PARM1: variants seen among roughly 807,000 people sequenced by gnomAD.
PARM1 encodes the protein WSC4, cell wall integrity and stress response component 4 homolog.
In PARM1, 14 loss-of-function variants were observed where a neutral mutation model predicts 24.6. The observed-to-expected ratio is 0.57, with a 90% CI of 0.38 to 0.89. PARM1 has a LOEUF of 0.89. Ranked by LOEUF, PARM1 falls within the 40% of genes least tolerant of loss-of-function variation. The pLI, the probability that PARM1 is intolerant of heterozygous loss-of-function variation, is 0.00. For missense variants in PARM1, 362 were observed against 380.4 expected (o/e 0.95, Z 0.40); for synonymous variants, 179 against 156.6 (o/e 1.14, Z -1.07).
intron 1 of PARM1, among the ~76,000 whole-genome samples, chr4:74,996,670 A>C (rs1722581179): frequency 6.6e-6 from 1 of 152,184 alleles, no homozygotes; most frequent in South Asian, 2.1e-4. Flanking sequence ...CTCTTCTCTT[A>C]GGGAATTTTG....
At chr4:75,025,929 T>A (rs1723175439) in intron 2 of PARM1, among the ~76,000 whole-genome samples, 1 of 152,154 alleles carries the variant, frequency 6.6e-6, no homozygotes, top group African/African-American at 2.4e-5. Context: ...AAACATGAGG[T>A]AAAACATTCC....
At chr4:74,975,792 T>C (rs1722130410) in intron 1 of PARM1, among the ~76,000 whole-genome samples, 1 of 152,104 alleles carries the variant, frequency 6.6e-6, no homozygotes, top group Non-Finnish European at 1.5e-5. Context: ...ATTGAAGCAA[T>C]AGGGAGGAGG....
At chr4:74,976,848 C>A (rs1722147585) in intron 1 of PARM1, among the ~76,000 whole-genome samples, 1 of 152,176 alleles carries the variant, frequency 6.6e-6, no homozygotes, top group African/African-American at 2.4e-5. Context: ...CAGAAAACCA[C>A]AGCAGCCTTA....
chr4:75,027,071 C>CT (rs1181597166), intron 2 of PARM1, among the ~76,000 whole-genome samples: 1 of 152,176 alleles, frequency 6.6e-6, no homozygotes, highest in African/African-American at 2.4e-5. Context: ...ATTCCCAACT[C>CT]TTTCCAAGAC....
intron 3 of PARM1, 44 bp downstream of exon 3, chr4:75,034,005 T>C: frequency 6.8e-7 from 1 of 1,462,912 alleles, no homozygotes; most frequent in Non-Finnish European, 9.4e-7. Flanking sequence ...TCTGTTTTGT[T>C]GGGCTCTGGG....
intron 1 of PARM1, among the ~76,000 whole-genome samples, chr4:74,985,244 C>T (rs1313250416): frequency 6.6e-6 from 1 of 152,280 alleles, no homozygotes; most frequent in East Asian, 1.9e-4. Flanking sequence ...AAGTAATGAA[C>T]AAGCCAGAAT....
At position 75,012,426 on chromosome 4, in the gene PARM1, A is replaced by T. The variant is rs761427988; in HGVS notation, c.45A>T (p.Gly15=). The T allele has an allele frequency of 8.2e-5, 133 of 1,612,702 alleles. No homozygotes were observed. In the South Asian group the frequency reaches 1.4e-3, roughly 17 times the overall value. Residue 15 remains glycine, a splice_region_variant and synonymous_variant, in exon 2 of 4, where the codon GGA becomes GGT. Coordinates refer to ENST00000307428, the MANE Select transcript of PARM1 (RefSeq NM_015393.4). ...ACTTTTGTACTGGCTTTTCCACAGG[A>T]TGGAGGGTACAGAGTCTGCCTACAT... ...TLFALCILTA[G]WRVQSLPTSA... is the part of the protein sequence containing the mutation.
intron 2 of PARM1, among the ~76,000 whole-genome samples, chr4:75,017,508 C>T (rs1723010598): frequency 6.6e-6 from 1 of 151,882 alleles, no homozygotes; most frequent in South Asian, 2.1e-4. Context: ...TTCTGTTTAC[C>T]TCTCACCTCC....
Position 75,012,582 on chromosome 4 carries a change from A to G in PARM1, c.201A>G (p.Pro67=). 9 of 1,613,986 alleles carry G rather than the reference A, an allele frequency of 5.6e-6. No individual in the cohort carries two copies. The highest frequency in any genetic ancestry group is 7.6e-6 in the Non-Finnish European group (9 of 1,179,896). ...SNGTHNNSVL[P]VTASAPTSLL... ...GCACTCACAACAACTCGGTGCTCCCAGTTACAGCATCAGCCCCAACATCTC... is the reference window on the plus strand; with the variant it reads ...GCACTCACAACAACTCGGTGCTCCCGGTTACAGCATCAGCCCCAACATCTC... The change falls in exon 2 of 4, where the codon CCA becomes CCG. Residue 67 remains proline, a synonymous_variant. Coordinates refer to ENST00000307428, the MANE Select transcript of PARM1 (RefSeq NM_015393.4).
chr4:74,973,696 A>T (rs1308852310), intron 1 of PARM1, among the ~76,000 whole-genome samples: 2 of 152,142 alleles, frequency 1.3e-5, no homozygotes, highest in African/African-American at 4.8e-5. Context: ...TTAGGTAGAT[A>T]AAACCCATAA....
At chr4:75,031,234 TA>T (rs1341933389) in intron 2 of PARM1, among the ~76,000 whole-genome samples, 8 of 152,214 alleles carry the variant, frequency 5.3e-5, no homozygotes, top group Non-Finnish European at 1.2e-4. Flanking sequence ...AGCCAGTGGG[TA>T]ACAGAATAGT....
At chr4:74,972,038 G>T (rs1024960618) in intron 1 of PARM1, among the ~76,000 whole-genome samples, 1 of 152,240 alleles carries the variant, frequency 6.6e-6, no homozygotes, top group African/African-American at 2.4e-5. Flanking sequence ...GGGTGTGGCT[G>T]TAAGTCTGCA....
chr4:74,940,718 C>T (rs567405749), intron 1 of PARM1, among the ~76,000 whole-genome samples: 1 of 152,290 alleles, frequency 6.6e-6, no homozygotes, highest in East Asian at 1.9e-4. Flanking sequence ...TTGATTGGTC[C>T]ATACTGTAGG....
intron 1 of PARM1, among the ~76,000 whole-genome samples, chr4:74,954,303 G>A (rs1006223874): frequency 6.6e-6 from 1 of 152,176 alleles, no homozygotes; most frequent in Non-Finnish European, 1.5e-5. Flanking sequence ...AGGTTCATTG[G>A]CATGTGCCAG....
intron 1 of PARM1, among the ~76,000 whole-genome samples, chr4:74,961,437 G>A (rs376530571): frequency 2.0e-5 from 3 of 152,110 alleles, no homozygotes; most frequent in East Asian, 3.9e-4. Flanking sequence ...TGAAAGACAT[G>A]AATATAAACA....
intron 3 of PARM1, among the ~76,000 whole-genome samples, chr4:75,042,940 T>C (rs1479234737): frequency 6.8e-6 from 1 of 148,060 alleles, no homozygotes; most frequent in Non-Finnish European, 1.5e-5. Flanking sequence ...GTTTCCTTAA[T>C]GGGAAGGAAA....
chr4:74,995,816 C>T (rs111758047), intron 1 of PARM1, among the ~76,000 whole-genome samples: 1 of 152,132 alleles, frequency 6.6e-6, no homozygotes, highest in African/African-American at 2.4e-5. Flanking sequence ...CTGCCCTCAC[C>T]AGAGCGATCT....
intron 1 of PARM1, among the ~76,000 whole-genome samples, chr4:74,945,366 A>C (rs968117015): frequency 1.3e-5 from 2 of 152,208 alleles, no homozygotes; most frequent in African/African-American, 2.4e-5. Flanking sequence ...TTTTAGCAAC[A>C]GATAATGTGG....
chr4:75,037,316 A>C (rs1723391326), intron 3 of PARM1, among the ~76,000 whole-genome samples: 1 of 152,212 alleles, frequency 6.6e-6, no homozygotes, highest in Non-Finnish European at 1.5e-5. Context: ...TCTGACCTGC[A>C]ACCATGGGAT....
Sources: allele counts gnomAD v4.1 joint callset (sites outside exome capture counted in the v4.1 genomes callset), GRCh38; gene constraint gnomAD v4.1.1; transcripts MANE v1.5; gene names NCBI Gene and HGNC (gene_info 2026-07-23, HGNC 2026-07-21).